Variants in ATP9B observed in about 807,000 individuals in gnomAD.
ATP9B encodes the protein ATPase phospholipid transporting 9B.
A neutral mutation model predicts 146.1 loss-of-function variants in ATP9B; 110 were observed. The ratio of observed to expected loss-of-function variants is 0.75; its 90% confidence interval spans 0.65 to 0.88. ATP9B has a LOEUF of 0.88. Among genes scored for constraint, ATP9B ranks in the 40% least tolerant of loss-of-function variants. ATP9B has a pLI of 0.00. For synonymous variants in ATP9B, 604 were observed against 569.7 expected (o/e 1.06, Z -0.86); for missense variants, 1,499 against 1,496.4 (o/e 1.00, Z -0.03).
chr18:79,185,695 G>A (rs1488601260), intron 8 of ATP9B, among the ~76,000 whole-genome samples: 1 of 152,120 alleles, frequency 6.6e-6, no homozygotes, highest in Admixed American at 6.5e-5. Context: ...TATGGATATG[G>A]GCAAGGCAAT....
rs542804493 is a variant in ATP9B at position 79,277,132 on chromosome 18, C to T, written c.1347C>T (p.Val449=). The T allele has an allele frequency of 6.8e-6, 11 of 1,614,174 alleles. No homozygotes were observed. The highest frequency in any genetic ancestry group is 4.5e-5 in the East Asian group (2 of 44,886). The stretch of plus-strand genomic sequence containing the variant: ...AAGATGAGAACATCCCTGGCACGGT[C>T]GTTCGGACCAGCACTATCCCAGAGG... The part of the protein sequence containing the change: ...MMKDENIPGT[V]VRTSTIPEEL... The change falls in exon 13 of 30, where the codon GTC becomes GTT. Residue 449 remains valine (V), a synonymous_variant. Transcript: ENST00000426216.
In ATP9B at chr18:79,296,997, CAGACGACCCAGAGAGAAGACAG is replaced by C. The variant is rs1458867623; in HGVS notation, c.1412-6581_1412-6560del. ...AGAGAGATGACCCAGAGAGAAGACA[CAGACGACCCAGAGAGAAGACAG>C]AGACGACCCAGAGAGAAGACAGAGA... On this transcript the variant is annotated intron_variant, in intron 13 of 29. Transcript: ENST00000426216. Among the ~76,000 whole-genome samples, 23 of 134,168 alleles carry C rather than the reference CAGACGACCCAGAGAGAAGACAG, an allele frequency of 1.7e-4. 1 individual carries two copies. The East Asian group carries it at 4.0e-3, about 23-fold the overall frequency. The allele number at this position is 134,168 out of a possible 152,430, so 88.0% of individuals were successfully genotyped here.
intron 27 of ATP9B, among the ~76,000 whole-genome samples, chr18:79,373,410 G>T (rs749089825): frequency 6.6e-6 from 1 of 151,874 alleles, no homozygotes; most frequent in Non-Finnish European, 1.5e-5. Context: ...ATGTAGCTAG[G>T]ATCCCATCTT....
chr18:79,142,949 G>A (rs1407625235), intron 5 of ATP9B, among the ~76,000 whole-genome samples: 1 of 152,102 alleles, frequency 6.6e-6, no homozygotes, highest in Non-Finnish European at 1.5e-5. Flanking sequence ...GTAAAAGGAA[G>A]GAACATTTTC....
intron 21 of ATP9B, among the ~76,000 whole-genome samples, chr18:79,344,740 G>A (rs531472111): frequency 3.3e-5 from 5 of 152,320 alleles, no homozygotes; most frequent in Non-Finnish European, 7.3e-5. Context: ...CGCAGTGATT[G>A]TTACTCCTCT....
Position 79,345,569 on chromosome 18 carries a change from A to G in ATP9B, c.2614A>G (p.Ile872Val), listed in dbSNP as rs778000558. 6.2e-7 allele frequency: 1 copy of G among 1,607,556 alleles called. No homozygotes were observed. The highest frequency in any genetic ancestry group is 8.5e-7 in the Non-Finnish European group (1 of 1,179,672). ...QQHTGRRTCA[I>V]GDGGNDVSMI... Reference sequence around the variant, plus strand: ...GCACACAGGGAGACGCACCTGCGCCATCGGTGAGAGCCGCCCACCCTGCTC... The same window carrying G: ...GCACACAGGGAGACGCACCTGCGCCGTCGGTGAGAGCCGCCCACCCTGCTC... Residue 872 changes from isoleucine to valine, a missense_variant, in exon 22 of 30, where the codon ATC (isoleucine) becomes GTC (valine). Ile to Val is a conservative substitution (Grantham distance 29). Transcript: ENST00000426216.
Position 79,103,144 on chromosome 18 carries a change from C to T in ATP9B, c.293+6495C>T, listed in dbSNP as rs1325176130. On this transcript the variant is annotated intron_variant, in intron 2 of 29. Transcript: ENST00000426216. ...TGGAACGTACAGCATTGTGCAGTAGCGAGAAGGGTCACCGTCACCTTGTTC... is the reference window on the plus strand; with the variant it reads ...TGGAACGTACAGCATTGTGCAGTAGTGAGAAGGGTCACCGTCACCTTGTTC... 2.6e-5 allele frequency among the ~76,000 whole-genome samples: 4 copies of T among 152,002 alleles called. No homozygotes were observed. In the East Asian group the frequency reaches 5.8e-4, roughly 22 times the overall value.
At chr18:79,274,890 C>G (rs565535263) in intron 12 of ATP9B, among the ~76,000 whole-genome samples, 1 of 152,200 alleles carries the variant, frequency 6.6e-6, no homozygotes, top group Non-Finnish European at 1.5e-5. Context: ...AACAGCTCCG[C>G]GTAAGTCTAA....
chr18:79,294,681 C>T (rs1393711480), intron 13 of ATP9B, among the ~76,000 whole-genome samples: 1 of 152,214 alleles, frequency 6.6e-6, no homozygotes, highest in African/African-American at 2.4e-5. Context: ...ACCCTGACTT[C>T]TGTTTAACAT....
intron 10 of ATP9B, among the ~76,000 whole-genome samples, chr18:79,207,712 C>T (rs980178913): frequency 1.3e-5 from 2 of 151,846 alleles, no homozygotes; most frequent in African/African-American, 2.4e-5. Flanking sequence ...TGTGTCTTCT[C>T]GGTGCTGCCC....
chr18:79,372,118 T>G (rs1319455925), intron 26 of ATP9B, among the ~76,000 whole-genome samples: 1 of 152,210 alleles, frequency 6.6e-6, no homozygotes, highest in Non-Finnish European at 1.5e-5. Flanking sequence ...CCTCTCTTCT[T>G]GGACTCTAAA....
intron 1 of ATP9B, among the ~76,000 whole-genome samples, chr18:79,073,081 C>T (rs551906643): frequency 5.9e-5 from 9 of 151,726 alleles, no homozygotes; most frequent in Middle Eastern, 6.8e-3. Context: ...GGCCGCCAGG[C>T]GGAGACGCTC....
chr18:79,350,887 G>A (rs2096919113), intron 25 of ATP9B, among the ~76,000 whole-genome samples: 1 of 151,380 alleles, frequency 6.6e-6, no homozygotes, highest in African/African-American at 2.4e-5. Flanking sequence ...TCCTCCCTCA[G>A]CCTCCCAAGT....
intron 26 of ATP9B, among the ~76,000 whole-genome samples, chr18:79,368,818 G>T (rs1028559738): frequency 1.8e-4 from 27 of 151,658 alleles, no homozygotes; most frequent in Non-Finnish European, 2.6e-4. Flanking sequence ...TCCGTCGTTG[G>T]CACCCTCGTC....
At chr18:79,350,851 C>T (rs992409477) in intron 25 of ATP9B, among the ~76,000 whole-genome samples, 6 of 151,644 alleles carry the variant, frequency 4.0e-5, no homozygotes, top group African/African-American at 7.3e-5. Context: ...TCGCTGCAAC[C>T]TCTGCCTCCT....
At chr18:79,210,138 C>G (rs2095570753) in intron 10 of ATP9B, among the ~76,000 whole-genome samples, 1 of 152,160 alleles carries the variant, frequency 6.6e-6, no homozygotes, top group South Asian at 2.1e-4. Context: ...GCCTGCTGTG[C>G]TGCCGGAGGT....
chr18:79,165,376 C>T (rs778486651), intron 7 of ATP9B, among the ~76,000 whole-genome samples: 11 of 152,162 alleles, frequency 7.2e-5, no homozygotes, highest in Non-Finnish European at 1.6e-4. Flanking sequence ...GTCTTCTGCA[C>T]TGTTGGGTGT....
intron 6 of ATP9B, among the ~76,000 whole-genome samples, chr18:79,151,184 T>C (rs1345600348): frequency 6.6e-6 from 1 of 152,240 alleles, no homozygotes; most frequent in Non-Finnish European, 1.5e-5. Context: ...CATTTCACTA[T>C]TTCAAAACTT....
intron 11 of ATP9B, among the ~76,000 whole-genome samples, chr18:79,224,381 G>T (rs2095709338): frequency 6.6e-6 from 1 of 152,188 alleles, no homozygotes; most frequent in Non-Finnish European, 1.5e-5. Flanking sequence ...GAATGGGAAA[G>T]TGCTGGAACC....
Sources: allele counts gnomAD v4.1 joint callset (sites outside exome capture counted in the v4.1 genomes callset), GRCh38; gene constraint gnomAD v4.1.1; transcripts MANE v1.5; gene names NCBI Gene and HGNC (gene_info 2026-07-23, HGNC 2026-07-21).